MEGF6: variants seen among roughly 807,000 people sequenced by gnomAD.
The protein encoded by MEGF6 is multiple epidermal growth factor-like domains protein 6.
Under a neutral mutation model 207.1 loss-of-function variants are expected in MEGF6, and 184 were observed. That is an observed-to-expected ratio of 0.89 (90% CI 0.79 to 1.00). MEGF6 has a LOEUF of 1.00. MEGF6 is among the 50% of genes least tolerant of loss of function. The probability of loss-of-function intolerance (pLI) is 0.00; values close to 1 mark genes in which losing one functional copy is unlikely to be tolerated. For missense variants in MEGF6, 2,282 were observed against 2,202.9 expected (o/e 1.04, Z -0.72); for synonymous variants, 1,038 against 910.0 (o/e 1.14, Z -2.53).
At chr1:3,590,461 T>C (rs1456996247) in intron 3 of MEGF6, among the ~76,000 whole-genome samples, 1 of 152,224 alleles carries the variant, frequency 6.6e-6, no homozygotes, top group East Asian at 1.9e-4. Flanking sequence ...CGCAAGGCGT[T>C]GTGGGCTCTG....
rs1266113540 is a variant in MEGF6, at chr1:3,522,579, C to T, written c.604+1545G>A. ...AAGGCCCGGCTATAGGAGGAGACTC[C>T]AGCCGGGTGAGTGATGGGTGGGTGG... On this transcript the variant is annotated intron_variant, in intron 5 of 36. Transcript: ENST00000356575. Among the ~76,000 whole-genome samples, 5 of 149,350 alleles carry T rather than the reference C, an allele frequency of 3.3e-5. No individual in the cohort carries two copies. In the Admixed American group the frequency reaches 3.4e-4, roughly 10 times the overall value.
At position 3,494,603 on chromosome 1, in the gene MEGF6, G is replaced by A. The variant is rs375427235; in HGVS notation, c.4000+10C>T. The A allele has an allele frequency of 3.3e-5, 51 of 1,561,392 alleles. No individual in the cohort carries two copies. Among genetic ancestry groups the A allele is most frequent in the South Asian group, 1.6e-4 (14 of 85,138 alleles). On this transcript the variant is annotated intron_variant, in intron 31 of 36. Coordinates refer to ENST00000356575, the MANE Select transcript of MEGF6 (RefSeq NM_001409.4). ...GGGATGCTGGGGTCCCGCTGGCCCC[G>A]CACACTCACCCAGCTCGCAGTGCCG... is the stretch of plus-strand genomic sequence containing the variant.
intron 4 of MEGF6, among the ~76,000 whole-genome samples, chr1:3,551,600 C>T (rs543473234): frequency 6.6e-6 from 1 of 152,284 alleles, no homozygotes; most frequent in East Asian, 1.9e-4. Flanking sequence ...CAGCTCCCAC[C>T]CTCTCAGTGG....
At chr1:3,580,405 C>T (rs138611250) in intron 3 of MEGF6, among the ~76,000 whole-genome samples, 1 of 152,326 alleles carries the variant, frequency 6.6e-6, no homozygotes, top group Non-Finnish European at 1.5e-5. Flanking sequence ...CGGCCCAGGC[C>T]AGTCAGACCC....
In MEGF6 at chr1:3,520,462, G is replaced by A. The variant is rs566642284; in HGVS notation, c.604+3662C>T. ...CTACATCACCGGGGAAGGCAAGGGC[G>A]GGCTCAGGTTTAGGGGCTGAGAATG... is the stretch of plus-strand genomic sequence containing the variant. On this transcript the variant is annotated intron_variant, in intron 5 of 36. Transcript: ENST00000356575. 1.8e-3 allele frequency among the ~76,000 whole-genome samples: 271 copies of A among 152,336 alleles called. 1 individual carries two copies. Among genetic ancestry groups the A allele is most frequent in the African/African-American group, 6.1e-3 (255 of 41,574 alleles).
At chr1:3,539,612 AC>A (rs2101489485) in intron 4 of MEGF6, among the ~76,000 whole-genome samples, 1 of 152,194 alleles carries the variant, frequency 6.6e-6, no homozygotes, top group African/African-American at 2.4e-5. Context: ...AATCGCCCCA[AC>A]CTCCTCATGA....
At chr1:3,576,618 A>G (rs1382417202) in intron 4 of MEGF6, among the ~76,000 whole-genome samples, 1 of 151,878 alleles carries the variant, frequency 6.6e-6, no homozygotes, top group East Asian at 1.9e-4. Context: ...CAGGGGCTAC[A>G]CCTGCAGGCA....
chr1:3,494,023 C>T lies in MEGF6; in HGVS notation c.4231G>A (p.Gly1411Ser), dbSNP rs759969619. ...CTCTCACAGAAGTGGCCGTGGAAGCCGGCAGGGCAGAGGCATCGGCCACTG... is the reference window on the plus strand; with the variant it reads ...CTCTCACAGAAGTGGCCGTGGAAGCTGGCAGGGCAGAGGCATCGGCCACTG... ...PISGRCLCPA[G>S]FHGHFCERGC... The change falls in exon 33 of 37, where the codon GGC becomes AGC. Residue 1411 changes from glycine to serine, a missense_variant. Transcript: ENST00000356575. 1.2e-5 allele frequency: 20 copies of T among 1,607,854 alleles called. No individual in the cohort carries two copies. The highest frequency in any genetic ancestry group is 5.1e-5 in the Admixed American group (3 of 59,088).
At chr1:3,522,176 G>A (rs1047947025) in intron 5 of MEGF6, among the ~76,000 whole-genome samples, 1 of 152,214 alleles carries the variant, frequency 6.6e-6, no homozygotes, top group African/African-American at 2.4e-5. Flanking sequence ...AAGAGAAGGT[G>A]CGCTCCGAGG....
chr1:3,521,565 C>T (rs1038479937), intron 5 of MEGF6, among the ~76,000 whole-genome samples: 3 of 152,174 alleles, frequency 2.0e-5, no homozygotes, highest in Admixed American at 6.5e-5. Context: ...CGGCTTGAGA[C>T]GGTGAGGCAC....
At chr1:3,524,553 C>T (rs922256603) in intron 4 of MEGF6, among the ~76,000 whole-genome samples, 15 of 152,206 alleles carry the variant, frequency 9.9e-5, no homozygotes, top group Admixed American at 5.9e-4. Context: ...CGGGAGCGCA[C>T]GCGGTTTTCT....
At position 3,493,893 on chromosome 1, in the gene MEGF6, TCA is replaced by T. The variant is rs1365791865; in HGVS notation, c.4263_4264del (p.Cys1421Ter). The T allele has an allele frequency of 1.3e-6, 2 of 1,591,202 alleles. No homozygotes were observed. The highest frequency in any genetic ancestry group is 1.7e-6 in the Non-Finnish European group (2 of 1,169,480). ...GCAGCCCTCTCCAAATGAACCTGGC[TCA>T]CACCCTGGTGGGGGCAGTGGGCTCA... On this transcript the variant is annotated stop_gained and frameshift_variant, in exon 34 of 37. Coordinates refer to ENST00000356575, the MANE Select transcript of MEGF6 (RefSeq NM_001409.4). LOFTEE classifies it high-confidence loss of function.
the MEGF6 span, among the ~76,000 whole-genome samples, chr1:3,620,557 G>C: frequency 6.6e-6 from 1 of 152,238 alleles, no homozygotes; most frequent in Non-Finnish European, 1.5e-5. Flanking sequence ...TGCTGCAGGG[G>C]CAGAGCCCTC....
chr1:3,532,029 G>A (rs1642194243), intron 4 of MEGF6, among the ~76,000 whole-genome samples: 2 of 152,360 alleles, frequency 1.3e-5, no homozygotes, highest in South Asian at 2.1e-4. Flanking sequence ...GAGCCTGGGC[G>A]AGGGAAAGCT....
intron 5 of MEGF6, among the ~76,000 whole-genome samples, chr1:3,516,597 G>A (rs1389184538): frequency 2.6e-5 from 4 of 152,232 alleles, no homozygotes; most frequent in East Asian, 1.9e-4. Flanking sequence ...GCCTGGGGCC[G>A]AGTCTGGGGA....
In MEGF6 at chr1:3,542,623, T is replaced by C. The variant is rs148617318; in HGVS notation, c.482-18377A>G. On this transcript the variant is annotated intron_variant, in intron 4 of 36. Transcript: ENST00000356575. ...AGCTCTCCTCTCTGTCCGGGGTTTC[T>C]CTGCAGCCCGGGCCGTGGGCCCCGA... is the stretch of plus-strand genomic sequence containing the variant. Among the ~76,000 whole-genome samples the C allele has an allele frequency of 1.1e-3, 174 of 152,328 alleles. 1 individual carries two copies. The highest frequency in any genetic ancestry group is 4.0e-3 in the African/African-American group (167 of 41,578).
chr1:3,574,550 C>T (rs1643589309), intron 4 of MEGF6, among the ~76,000 whole-genome samples: 1 of 134,076 alleles, frequency 7.5e-6, no homozygotes, highest in Non-Finnish European at 1.6e-5. Flanking sequence ...TGCTGGAGAC[C>T]CGTCTGATCT....
chr1:3,496,085 G>A (rs1229157363), intron 29 of MEGF6, 67 bp from the exon 30 acceptor site: 1 of 1,458,320 alleles, frequency 6.9e-7, no homozygotes, highest in Admixed American at 2.4e-5. Flanking sequence ...ACCCCGGAGT[G>A]GGGATAGGAC....
At chr1:3,555,508 T>C (rs1034447180) in intron 4 of MEGF6, among the ~76,000 whole-genome samples, 1 of 152,222 alleles carries the variant, frequency 6.6e-6, no homozygotes, top group African/African-American at 2.4e-5. Context: ...GTGTTTAATG[T>C]GGGCGGCTCA....
Sources: allele counts gnomAD v4.1 joint callset (sites outside exome capture counted in the v4.1 genomes callset), GRCh38; gene constraint gnomAD v4.1.1; transcripts MANE v1.5; gene names NCBI Gene and HGNC (gene_info 2026-07-23, HGNC 2026-07-21).